The following RIT2 variants were observed in gnomAD, a reference collection of about 807,000 sequenced individuals.
RIT2 encodes GTP-binding protein Rit2.
In RIT2, 24 loss-of-function variants were observed where a neutral mutation model predicts 23.7. The observed-to-expected ratio is 1.01, with a 90% CI of 0.73 to 1.43. RIT2 has a LOEUF of 1.43. Among genes scored for constraint, RIT2 ranks in the 40% most tolerant of loss-of-function variants. The pLI, the probability that RIT2 is intolerant of heterozygous loss-of-function variation, is 0.00. For synonymous variants in RIT2, 107 were observed against 91.1 expected, an observed-to-expected ratio of 1.17 and a Z score of -0.99; for missense variants, 236 against 266.9, an observed-to-expected ratio of 0.88 and a Z score of 0.81.
intron 4 of RIT2, among the ~76,000 whole-genome samples, chr18:42,855,310 A>G (rs2144041750): frequency 6.6e-6 from 1 of 152,316 alleles, no homozygotes; most frequent in Middle Eastern, 3.4e-3. Flanking sequence ...ATTTTACTTA[A>G]GCATTACCAT....
At chr18:42,964,553 T>C (rs1910167811) in intron 3 of RIT2, among the ~76,000 whole-genome samples, 1 of 152,180 alleles carries the variant, frequency 6.6e-6, no homozygotes, top group Admixed American at 6.5e-5. Flanking sequence ...TTTGTCTATG[T>C]TATCTTATGT....
chr18:42,791,581 G>C (rs1416056085), intron 4 of RIT2, among the ~76,000 whole-genome samples: 1 of 151,960 alleles, frequency 6.6e-6, no homozygotes, highest in African/African-American at 2.4e-5. Context: ...ATTGTATTTT[G>C]GTGAACAAGT....
intron 2 of RIT2, among the ~76,000 whole-genome samples, chr18:42,987,749 T>G (rs547465641): frequency 6.6e-6 from 1 of 152,282 alleles, no homozygotes; most frequent in East Asian, 1.9e-4. Context: ...TTCTGCAGAC[T>G]GTACAAAAGC....
chr18:43,105,363 G>A (rs1913788262), intron 1 of RIT2, among the ~76,000 whole-genome samples: 1 of 145,666 alleles, frequency 6.9e-6, no homozygotes, highest in Non-Finnish European at 1.5e-5. Context: ...ATTTTCCTAG[G>A]ACCTATCTGA....
At chr18:43,083,337 T>A (rs1432170949) in intron 1 of RIT2, among the ~76,000 whole-genome samples, 1 of 152,212 alleles carries the variant, frequency 6.6e-6, no homozygotes, top group African/African-American at 2.4e-5. Flanking sequence ...GCTAGACTTA[T>A]CAAGCTACCA....
At chr18:43,081,375 T>G (rs1285848931) in intron 1 of RIT2, among the ~76,000 whole-genome samples, 1 of 152,222 alleles carries the variant, frequency 6.6e-6, no homozygotes, top group Non-Finnish European at 1.5e-5. Flanking sequence ...TTATGGTTAA[T>G]ATTTATTGGC....
chr18:42,948,415 A>G (rs1909775950), intron 3 of RIT2, among the ~76,000 whole-genome samples: 1 of 152,048 alleles, frequency 6.6e-6, no homozygotes, highest in Non-Finnish European at 1.5e-5. Context: ...TTTATGATTC[A>G]GGGTAATGTA....
intron 4 of RIT2, among the ~76,000 whole-genome samples, chr18:42,762,772 A>G (rs1464135659): frequency 6.6e-6 from 1 of 152,210 alleles, no homozygotes; most frequent in African/African-American, 2.4e-5. Flanking sequence ...GCTTCTTAGG[A>G]ACATTGGATT....
At chr18:42,800,131 A>T (rs1019259603) in intron 4 of RIT2, among the ~76,000 whole-genome samples, 3 of 152,246 alleles carry the variant, frequency 2.0e-5, no homozygotes, top group Non-Finnish European at 2.9e-5. Flanking sequence ...TTTATTTTTT[A>T]AAAAATCATT....
At chr18:43,019,708 T>C (rs917707493) in intron 2 of RIT2, among the ~76,000 whole-genome samples, 2 of 151,896 alleles carry the variant, frequency 1.3e-5, no homozygotes, top group African/African-American at 4.8e-5. Context: ...AAGAGAACAA[T>C]ATGAAAGACA....
intron 4 of RIT2, among the ~76,000 whole-genome samples, chr18:42,901,711 A>G (rs1299903917): frequency 6.6e-6 from 1 of 152,030 alleles, no homozygotes; most frequent in Non-Finnish European, 1.5e-5. Context: ...TTTTGCTAAA[A>G]GGTCAATTTA....
At chr18:42,855,585 T>C (rs1374224318) in intron 4 of RIT2, among the ~76,000 whole-genome samples, 1 of 152,204 alleles carries the variant, frequency 6.6e-6, no homozygotes, top group Non-Finnish European at 1.5e-5. Flanking sequence ...CACAGAATTA[T>C]ACCTTCTAAA....
chr18:43,063,641 T>C (rs935309085), intron 1 of RIT2, among the ~76,000 whole-genome samples: 3 of 152,188 alleles, frequency 2.0e-5, no homozygotes, highest in Non-Finnish European at 4.4e-5. Flanking sequence ...TTATTTTCTT[T>C]TATTTAGGGT....
At chr18:42,928,737 T>C (rs1303949686) in intron 3 of RIT2, among the ~76,000 whole-genome samples, 2 of 151,976 alleles carry the variant, frequency 1.3e-5, no homozygotes, top group East Asian at 3.9e-4. Context: ...AAACTGGTTA[T>C]GTCAATTTAA....
intron 2 of RIT2, among the ~76,000 whole-genome samples, chr18:42,997,863 A>C (rs189408816): frequency 1.4e-4 from 21 of 152,304 alleles, no homozygotes; most frequent in Admixed American, 4.6e-4. Context: ...AGGTGTCAAC[A>C]TCTGGGATTT....
At chr18:42,996,831 G>A (rs1307866123) in intron 2 of RIT2, among the ~76,000 whole-genome samples, 1 of 152,096 alleles carries the variant, frequency 6.6e-6, no homozygotes, top group Non-Finnish European at 1.5e-5. Flanking sequence ...CTAGAAAAAT[G>A]ACTGCCCATA....
intron 2 of RIT2, among the ~76,000 whole-genome samples, chr18:42,977,829 T>A (rs1910508755): frequency 6.7e-6 from 1 of 148,368 alleles, no homozygotes; most frequent in African/African-American, 2.5e-5. Flanking sequence ...CTCCATCTAG[T>A]ATGATTTTAG....
chr18:42,917,316 A>G (rs1908936293), intron 4 of RIT2, among the ~76,000 whole-genome samples: 1 of 152,112 alleles, frequency 6.6e-6, no homozygotes, highest in Non-Finnish European at 1.5e-5. Flanking sequence ...TAAAAATGTC[A>G]TGAGGACTCC....
intron 2 of RIT2, among the ~76,000 whole-genome samples, chr18:43,000,822 T>C (rs1468905894): frequency 2.0e-5 from 3 of 151,988 alleles, no homozygotes; most frequent in Non-Finnish European, 2.9e-5. Flanking sequence ...ATTAAGCCTT[T>C]CTCCTTTAAA....
Sources: allele counts gnomAD v4.1 joint callset (sites outside exome capture counted in the v4.1 genomes callset), GRCh38; gene constraint gnomAD v4.1.1; transcripts MANE v1.5; gene names NCBI Gene and HGNC (gene_info 2026-07-23, HGNC 2026-07-21).